ARMC7: variants seen among roughly 807,000 people sequenced by gnomAD.
The protein encoded by ARMC7 is armadillo repeat-containing protein 7.
A neutral mutation model predicts 14.8 loss-of-function variants in ARMC7; 9 were observed. That is an observed-to-expected ratio of 0.61 (90% CI 0.37 to 1.06). The LOEUF is 1.06. Among genes scored for constraint, ARMC7 ranks in the 50% least tolerant of loss-of-function variants. The pLI, the probability that ARMC7 is intolerant of heterozygous loss-of-function variation, is 0.01. For synonymous variants in ARMC7, 125 were observed against 123.4 expected (o/e 1.01, Z -0.09); for missense variants, 262 against 267.1 (o/e 0.98, Z 0.13).
chr17:75,127,982 A>AT (rs1172897559), intron 2 of ARMC7, among the ~76,000 whole-genome samples: 1 of 152,226 alleles, frequency 6.6e-6, no homozygotes, highest in African/African-American at 2.4e-5. Flanking sequence ...AAATTTTGGC[A>AT]TAAGTATATA....
intron 2 of ARMC7, among the ~76,000 whole-genome samples, chr17:75,125,338 C>T (rs937862904): frequency 9.2e-5 from 14 of 152,134 alleles, no homozygotes; most frequent in African/African-American, 3.1e-4. Flanking sequence ...CCCAGGAAGA[C>T]GCCACTTGCA....
chr17:75,110,379 G>A lies in ARMC7; in HGVS notation c.91G>A (p.Asp31Asn), dbSNP rs1428575634. The change falls in exon 1 of 3, where the codon GAC becomes AAC. Residue 31 changes from aspartate (D) to asparagine (N), a missense_variant and splice_region_variant. By Grantham distance (23) the Asp-to-Asn change is conservative (BLOSUM62 1). Transcript: ENST00000245543. The stretch of plus-strand genomic sequence containing the variant: ...GGAATTCCAGGAGACCCAAAGCCAA[G>A]GTGAGAGCCACGGTGGGATCAGGTG... ...VTEFQETQSQ[D>N]AKEQVLANLA... 1 of 1,614,200 alleles carries A rather than the reference G, an allele frequency of 6.2e-7. No homozygotes were observed. Among genetic ancestry groups the A allele is most frequent in the South Asian group, 1.1e-5 (1 of 91,086 alleles).
Position 75,128,703 on chromosome 17 carries a change from A to G in ARMC7, c.262A>G (p.Arg88Gly), listed in dbSNP as rs536253540. 1.2e-5 allele frequency: 20 copies of G among 1,613,140 alleles called. No individual in the cohort carries two copies. In the South Asian group the frequency reaches 2.2e-4, roughly 18 times the overall value. Residue 88 changes from arginine (R) to glycine (G), a missense_variant, in exon 3 of 3, where the codon AGG becomes GGG. Coordinates refer to ENST00000245543, the MANE Select transcript of ARMC7 (RefSeq NM_024585.4). Reference protein sequence around the residue: ...IGGLCNLCPDRANKEHILHAG... With the variant: ...IGGLCNLCPDGANKEHILHAG... The stretch of plus-strand genomic sequence containing the variant: ...AGGCCTGTGCAACCTGTGCCCAGAC[A>G]GGGCCAACAAGGAGCACATCCTGCA...
At position 75,128,755 on chromosome 17, in the gene ARMC7, A is replaced by G; in HGVS notation, c.314A>G (p.Asn105Ser). The G allele has an allele frequency of 1.9e-6, 3 of 1,613,464 alleles. No homozygotes were observed. Among genetic ancestry groups the G allele is most frequent in the South Asian group, 1.1e-5 (1 of 91,080 alleles). The change falls in exon 3 of 3, where the codon AAC (asparagine) becomes AGC (serine). Residue 105 changes from asparagine to serine, a missense_variant. Transcript: ENST00000245543. ...LHAGGVPLII[N>S]CLSSPNEETV... ...GCAGGAGGTGTCCCACTCATCATCA[A>G]CTGCCTATCCAGCCCCAATGAGGAG...
At chr17:75,128,537 A>G in intron 2 of ARMC7, 140 bp from the exon 3 acceptor site, 1 of 1,217,634 alleles carries the variant, frequency 8.2e-7, no homozygotes, top group East Asian at 2.6e-5. Context: ...TTGAGAAGGC[A>G]GGAGCCGGAA....
At chr17:75,126,105 G>C (rs2074049636) in intron 2 of ARMC7, among the ~76,000 whole-genome samples, 1 of 152,166 alleles carries the variant, frequency 6.6e-6, no homozygotes, top group African/African-American at 2.4e-5. Flanking sequence ...GGTCACTCAG[G>C]ACACTGGGCA....
At chr17:75,110,749 G>A in intron 2 of ARMC7, 143 bp downstream of exon 2, 2 of 1,149,292 alleles carry the variant, frequency 1.7e-6, no homozygotes, top group Non-Finnish European at 2.4e-6. Flanking sequence ...GATCACCTGA[G>A]GTCATGAGTT....
At chr17:75,123,252 G>T (rs1042991822) in intron 2 of ARMC7, among the ~76,000 whole-genome samples, 10 of 139,160 alleles carry the variant, frequency 7.2e-5, no homozygotes, top group African/African-American at 2.5e-4. Flanking sequence ...GTTTCACTAT[G>T]TTGGCTAGGC....
intron 2 of ARMC7, among the ~76,000 whole-genome samples, chr17:75,112,083 AG>A (rs1299130595): frequency 6.8e-6 from 1 of 147,162 alleles, no homozygotes; most frequent in African/African-American, 2.7e-5. Context: ...ATCATGAGAA[AG>A]GCATTTTAGC....
intron 2 of ARMC7, among the ~76,000 whole-genome samples, chr17:75,113,160 A>C (rs940785992): frequency 6.8e-6 from 1 of 147,414 alleles, no homozygotes; most frequent in Admixed American, 6.8e-5. Context: ...CGGGTATGGG[A>C]TTATAGGCGC....
At position 75,129,207 on chromosome 17, in the gene ARMC7, T is replaced by A. The variant is rs2074080962; in HGVS notation, c.*169T>A. 2.1e-6 allele frequency: 2 copies of A among 959,506 alleles called. No individual in the cohort carries two copies. The highest frequency in any genetic ancestry group is 1.6e-5 in the African/African-American group (1 of 60,718). The allele number at this position is 959,506 out of a possible 1,614,324, so 59.4% of individuals were successfully genotyped here. On this transcript the variant is annotated 3_prime_UTR_variant, in exon 3 of 3. Transcript: ENST00000245543. ...TACACTGATGAAACGCCACTGGGAGTGAGGAAGCCAGACTCCAGAGACACG... is the reference window on the plus strand; with the variant it reads ...TACACTGATGAAACGCCACTGGGAGAGAGGAAGCCAGACTCCAGAGACACG...
chr17:75,115,060 T>G (rs2073964016), intron 2 of ARMC7, among the ~76,000 whole-genome samples: 1 of 152,158 alleles, frequency 6.6e-6, no homozygotes, highest in East Asian at 1.9e-4. Flanking sequence ...TACTTCTGTC[T>G]GCATGGTTTG....
chr17:75,118,138 A>AC (rs1478848915), intron 2 of ARMC7, among the ~76,000 whole-genome samples: 88 of 152,024 alleles, frequency 5.8e-4, no homozygotes, highest in African/African-American at 2.1e-3. Context: ...AAAAAAAAAA[A>AC]CAAAGTTATC....
chr17:75,128,764 C>G lies in ARMC7; in HGVS notation c.323C>G (p.Ser108Cys). Residue 108 changes from serine to cysteine, a missense_variant, in exon 3 of 3, where the codon TCC becomes TGC. By Grantham distance (112) the Ser-to-Cys change is moderately radical (BLOSUM62 -1). Coordinates refer to ENST00000245543, the MANE Select transcript of ARMC7 (RefSeq NM_024585.4). ...GTCCCACTCATCATCAACTGCCTAT[C>G]CAGCCCCAATGAGGAGACGGTGCTG... ...GGVPLIINCL[S>C]SPNEETVLSA... is the part of the protein sequence containing the mutation. 1 of 1,613,628 alleles carries G rather than the reference C, an allele frequency of 6.2e-7. No individual in the cohort carries two copies.
rs115140385 is a variant in ARMC7 at position 75,115,927 on chromosome 17, C to G, written c.235+5321C>G. On this transcript the variant is annotated intron_variant, in intron 2 of 2. Transcript: ENST00000245543. ...GCCATAGATAGGATTCCCTTGGTTG[C>G]CATCCAAAGACAAATACCCAAAACC... 8.6e-3 allele frequency among the ~76,000 whole-genome samples: 1,311 copies of G among 152,254 alleles called. 21 individuals are homozygous for G. The highest frequency in any genetic ancestry group is 0.03 in the African/African-American group (1,258 of 41,558).
chr17:75,127,739 C>T (rs753100042), intron 2 of ARMC7, among the ~76,000 whole-genome samples: 10 of 152,192 alleles, frequency 6.6e-5, no homozygotes, highest in South Asian at 4.1e-4. Context: ...AGACTACAGG[C>T]GTGTACCATC....
In ARMC7 at chr17:75,111,876, G is replaced by A. The variant is rs923244744; in HGVS notation, c.235+1270G>A. On this transcript the variant is annotated intron_variant, in intron 2 of 2. Transcript: ENST00000245543. ...TTCACTGGGTAGATATTTATTGCGC[G>A]TGTACCGTATATGCAAGCTACTGCT... 2.2e-4 allele frequency among the ~76,000 whole-genome samples: 33 copies of A among 151,494 alleles called. 1 individual carries two copies. The highest frequency in any genetic ancestry group is 7.6e-4 in the African/African-American group (31 of 40,794).
intron 2 of ARMC7, among the ~76,000 whole-genome samples, chr17:75,118,130 A>G (rs2073986128): frequency 6.6e-6 from 1 of 152,040 alleles, no homozygotes; most frequent in South Asian, 2.1e-4. Context: ...CTCAAAAAAA[A>G]AAAAAAAACA....
chr17:75,110,467 C>T lies in ARMC7; in HGVS notation c.96C>T (p.Ala32=). ...TEFQETQSQD[A]KEQVLANLAN... ...AGTGCCGCTTTCCCGTTGCAGACGCCAAGGAGCAAGTCCTCGCCAACCTCG... is the reference window on the plus strand; with the variant it reads ...AGTGCCGCTTTCCCGTTGCAGACGCTAAGGAGCAAGTCCTCGCCAACCTCG... Residue 32 remains alanine, a synonymous_variant, in exon 2 of 3, where the codon GCC becomes GCT. Transcript: ENST00000245543. The T allele has an allele frequency of 6.2e-7, 1 of 1,614,266 alleles. No homozygotes were observed. Among genetic ancestry groups the T allele is most frequent in the African/African-American group, 1.3e-5 (1 of 75,082 alleles).
Sources: gnomAD v4.1 joint callset for allele counts (sites outside exome capture counted in the v4.1 genomes callset) on GRCh38, gnomAD v4.1.1 for gene constraint, MANE v1.5 for transcripts, NCBI Gene and HGNC (gene_info 2026-07-23, HGNC 2026-07-21) for gene names.